Variants in LIG3 observed in about 807,000 individuals in gnomAD.
LIG3 encodes the protein ligase II, DNA, ATP-dependent.
LIG3 carries 58 observed loss-of-function variants against 110.9 expected under a neutral mutation model. The ratio of observed to expected loss-of-function variants is 0.52; its 90% CI spans 0.42 to 0.65. The LOEUF is 0.65. Among genes scored for constraint, LIG3 ranks in the 30% least tolerant of loss-of-function variants. The pLI is 0.00. For missense variants in LIG3, 1,094 were observed against 1,273.8 expected (o/e 0.86, Z 2.15); for synonymous variants, 422 against 472.8 (o/e 0.89, Z 1.39).
At position 35,004,448 on chromosome 17, in the gene LIG3, T is replaced by C. The variant is rs1215636651; in HGVS notation, c.2972T>C (p.Val991Ala). ...SRDKNPAAQQ[V>A]SPEWIWACIR... ...GACAAGAACCCTGCGGCCCAGCAGG[T>C]CTCCCCAGAGTGGATTTGGGCATGT... Residue 991 changes from valine (V) to alanine (A), a missense_variant, in exon 20 of 20, where the codon GTC becomes GCC. Physicochemically the swap from Val to Ala is moderately conservative, Grantham distance 64. Transcript: ENST00000378526. 1.9e-6 allele frequency: 3 copies of C among 1,614,020 alleles called. No individual in the cohort carries two copies. The Admixed American group carries it at 5.0e-5, about 27-fold the overall frequency.
intron 3 of LIG3, among the ~76,000 whole-genome samples, chr17:34,987,648 C>T (rs1279304076): frequency 6.6e-6 from 1 of 152,220 alleles, no homozygotes; most frequent in Admixed American, 6.5e-5. Flanking sequence ...TCCCTGAGCA[C>T]GTCCTTACCT....
chr17:34,985,991 T>G lies in LIG3; in HGVS notation c.551T>G (p.Leu184Arg). 6.2e-7 allele frequency: 1 copy of G among 1,613,970 alleles called. No homozygotes were observed. ...ATACTCTTTTGGGATCCTACAGATC[T>G]GTCTTCTAAGGCAGCAGGTACACCA... is the stretch of plus-strand genomic sequence containing the variant. The part of the protein sequence containing the change: ...KEQITQHIAD[L>R]SSKAAGTPKK... Residue 184 changes from leucine (L) to arginine (R), a missense_variant, in exon 3 of 20, where the codon CTG (leucine) becomes CGG (arginine). By Grantham distance (102) the Leu-to-Arg change is moderately radical (BLOSUM62 -2). Transcript: ENST00000378526.
intron 8 of LIG3, 112 bp downstream of exon 8, chr17:34,992,804 G>T: frequency 9.1e-7 from 1 of 1,094,928 alleles, no homozygotes; most frequent in Non-Finnish European, 1.2e-6. Context: ...GACTGGAGAA[G>T]TTTAGGGAAG....
intron 13 of LIG3, 110 bp downstream of exon 13, chr17:34,998,406 G>T: frequency 8.7e-7 from 1 of 1,143,466 alleles, no homozygotes. Context: ...TGGTTGGGGT[G>T]GCTGCTGGGG....
chr17:34,998,050 C>T, intron 12 of LIG3, 169 bp from the exon 13 acceptor site: 2 of 649,298 alleles, frequency 3.1e-6, no homozygotes, highest in African/African-American at 1.8e-5. Flanking sequence ...GCCACAGCAG[C>T]CCTCTGTTTG....
intron 11 of LIG3, chr17:34,996,886 A>C (rs552276218): frequency 6.1e-6 from 3 of 491,756 alleles, no homozygotes; most frequent in Admixed American, 6.6e-5. Flanking sequence ...TGTTGACTCC[A>C]TCTCTTCTCT....
Position 35,004,973 on chromosome 17 carries a change from G to C in LIG3, c.*467G>C. 3.6e-6 allele frequency: 1 copy of C among 276,258 alleles called. No homozygotes were observed. Among genetic ancestry groups the C allele is most frequent in the Non-Finnish European group, 7.1e-6 (1 of 141,268 alleles). The allele number at this position is 276,258 out of a possible 1,614,324, so 17.1% of individuals were successfully genotyped here. ...TATTTAAAGGACTGCCCTCGGAAAT[G>C]CTTCTGTTTAGCGGAACTTGTATTC... On this transcript the variant is annotated 3_prime_UTR_variant, in exon 20 of 20. Coordinates refer to ENST00000378526, the MANE Select transcript of LIG3 (RefSeq NM_013975.4).
rs757246185 is a variant in LIG3, at chr17:34,990,015, GA to G, written c.889+354del. ...TTTTGTGAACCATATACACAGTTTG[GA>G]ATAGAATCTTCCAACTCTGTTTCTT... is the stretch of plus-strand genomic sequence containing the variant. On this transcript the variant is annotated intron_variant, in intron 4 of 19. Coordinates refer to ENST00000378526, the MANE Select transcript of LIG3 (RefSeq NM_013975.4). The G allele has an allele frequency of 1.4e-5, 3 of 220,658 alleles. No individual in the cohort carries two copies. The East Asian group carries it at 3.0e-4, about 22-fold the overall frequency. 13.7% of individuals were successfully genotyped at this position (220,658 alleles called of 1,614,324 possible). A position where few individuals can be genotyped will look rare whatever the true frequency, so the allele number is the denominator to read the frequency against.
At chr17:34,991,870 T>C (rs776410941) in intron 6 of LIG3, 33 bp downstream of exon 6, 3 of 1,613,752 alleles carry the variant, frequency 1.9e-6, no homozygotes, top group Admixed American at 1.7e-5. Flanking sequence ...ACCATGCCCA[T>C]AGAGAGATGA....
Position 34,983,098 on chromosome 17 carries a change from T to A in LIG3, c.93T>A (p.Asp31Glu). ...TATTCCGAAAACATCACTGGCGTGA[T>A]GTAAGACAATTCAGCCAGTGGTCAG... ...LCLFRKHHWR[D>E]VRQFSQWSET... The change falls in exon 2 of 20, where the codon GAT (aspartate) becomes GAA (glutamate). Residue 31 changes from aspartate (D) to glutamate (E), a missense_variant. Physicochemically the swap from Asp to Glu is conservative, Grantham distance 45. Transcript: ENST00000378526. 1 of 1,614,176 alleles carries A rather than the reference T, an allele frequency of 6.2e-7. No individual in the cohort carries two copies. The highest frequency in any genetic ancestry group is 8.5e-7 in the Non-Finnish European group (1 of 1,180,028).
In LIG3 at chr17:35,005,906, TTTC is replaced by T. The variant is rs1480867913; in HGVS notation, c.*1406_*1408del. On this transcript the variant is annotated 3_prime_UTR_variant, in exon 20 of 20. Transcript: ENST00000378526. ...AAGCATATTGAAGCTCGGACTAGAA[TTTC>T]TTCTTGGTATCAGAGAGACAAGTTT... The T allele has an allele frequency of 6.0e-6, 2 of 333,122 alleles. No individual in the cohort carries two copies. Among genetic ancestry groups the T allele is most frequent in the Non-Finnish European group, 1.2e-5 (2 of 171,044 alleles). 20.6% of individuals were successfully genotyped at this position (333,122 alleles called of 1,614,324 possible).
chr17:34,987,976 C>G (rs1051923093), intron 3 of LIG3, among the ~76,000 whole-genome samples: 13 of 151,700 alleles, frequency 8.6e-5, no homozygotes, highest in African/African-American at 3.2e-4. Context: ...GGGCGGATCA[C>G]GAGGTCAGGA....
chr17:34,999,138 A>C (rs2090812675), intron 14 of LIG3, 169 bp from the exon 15 acceptor site: 1 of 709,992 alleles, frequency 1.4e-6, no homozygotes, highest in Non-Finnish European at 2.2e-6. Flanking sequence ...CAGAAGAGGA[A>C]ATTGGGGCTT....
intron 8 of LIG3, among the ~76,000 whole-genome samples, chr17:34,993,951 G>A (rs1052836912): frequency 6.6e-6 from 1 of 152,150 alleles, no homozygotes; most frequent in African/African-American, 2.4e-5. Flanking sequence ...TAAGCCAGAG[G>A]TCTTGCAAGG....
At chr17:34,997,877 A>G (rs972488612) in intron 12 of LIG3, 52 bp downstream of exon 12, 9 of 1,358,368 alleles carry the variant, frequency 6.6e-6, no homozygotes, top group Non-Finnish European at 9.5e-6. Context: ...AAAGCAGGGC[A>G]GAGAACTCCT....
In LIG3 at chr17:35,001,306, C is replaced by G; in HGVS notation, c.2381C>G (p.Ala794Gly). ...GGGGCTGAATTCTCCAAATCGGAGG[C>G]TCATACAGCTGACGGGATCTCCATC... ...ITGAEFSKSE[A>G]HTADGISIRF... Residue 794 changes from alanine (A) to glycine (G), a missense_variant, in exon 17 of 20, where the codon GCT becomes GGT. Ala to Gly is a moderately conservative substitution (Grantham distance 60). Transcript: ENST00000378526. 6.2e-7 allele frequency: 1 copy of G among 1,614,160 alleles called. No homozygotes were observed. The highest frequency in any genetic ancestry group is 8.5e-7 in the Non-Finnish European group (1 of 1,179,994).
chr17:34,980,976 C>T (rs2090582712), intron 1 of LIG3: 1 of 152,324 alleles, frequency 6.6e-6, no homozygotes, highest in African/African-American at 2.4e-5. Flanking sequence ...CACTTCCCGC[C>T]TGCGTCCCGG....
rs2090885293 is a variant in LIG3 at position 35,005,142 on chromosome 17, C to A, written c.*636C>A. ...ACTAGGGTCAGGTAGGAAAATGGGG[C>A]CTTTATGAAGAAAGGGGAGGTTATT... On this transcript the variant is annotated 3_prime_UTR_variant, in exon 20 of 20. Coordinates refer to ENST00000378526, the MANE Select transcript of LIG3 (RefSeq NM_013975.4). 2.8e-6 allele frequency: 1 copy of A among 357,508 alleles called. No individual in the cohort carries two copies. Among genetic ancestry groups the A allele is most frequent in the East Asian group, 7.3e-5 (1 of 13,756 alleles). The allele number at this position is 357,508 out of a possible 1,614,324, so 22.1% of individuals were successfully genotyped here.
chr17:34,993,098 A>T (rs1408872540), intron 8 of LIG3, among the ~76,000 whole-genome samples: 1 of 152,124 alleles, frequency 6.6e-6, no homozygotes, highest in Non-Finnish European at 1.5e-5. Flanking sequence ...TAGATCTGAG[A>T]GTTGGTAGCA....
Sources: gnomAD v4.1 joint callset for allele counts (sites outside exome capture counted in the v4.1 genomes callset) on GRCh38, gnomAD v4.1.1 for gene constraint, MANE v1.5 for transcripts, NCBI Gene and HGNC (gene_info 2026-07-23, HGNC 2026-07-21) for gene names.